TRIO: variants seen among roughly 807,000 people sequenced by gnomAD.
TRIO encodes trio Rho guanine nucleotide exchange factor.
In TRIO, 58 loss-of-function variants were observed where a neutral mutation model predicts 351.9. The observed-to-expected ratio is 0.16, with a 90% CI of 0.13 to 0.21. The LOEUF (loss-of-function observed/expected upper bound fraction) is 0.21. TRIO is among the 10% of genes least tolerant of loss of function. The pLI, the probability that TRIO is intolerant of heterozygous loss-of-function variation, is 1.00. For missense variants in TRIO, 3,201 were observed against 4,027.8 expected, an observed-to-expected ratio of 0.79 and a Z score of 5.56; for synonymous variants, 1,758 against 1,595.7, an observed-to-expected ratio of 1.10 and a Z score of -2.42.
intron 1 of TRIO, among the ~76,000 whole-genome samples, chr5:14,260,576 C>G (rs1295776265): frequency 1.3e-5 from 2 of 152,164 alleles, no homozygotes; most frequent in South Asian, 4.1e-4. Context: ...TATTTTTGTA[C>G]TGAGTTTCAT....
chr5:14,478,400 A>T (rs1755252387), intron 41 of TRIO, among the ~76,000 whole-genome samples: 1 of 152,230 alleles, frequency 6.6e-6, no homozygotes, highest in Non-Finnish European at 1.5e-5. Flanking sequence ...CACAACAAAA[A>T]GGACAACTGA....
At chr5:14,345,223 A>C (rs951944657) in intron 11 of TRIO, among the ~76,000 whole-genome samples, 9 of 152,214 alleles carry the variant, frequency 5.9e-5, no homozygotes, top group African/African-American at 2.2e-4. Flanking sequence ...AGAGCTTAGA[A>C]GTTATTGTGG....
At chr5:14,505,081 G>T (rs908645382) in intron 55 of TRIO, among the ~76,000 whole-genome samples, 1 of 152,260 alleles carries the variant, frequency 6.6e-6, no homozygotes, top group African/African-American at 2.4e-5. Context: ...CGAAGAGGGG[G>T]CGCGGGCACA....
At chr5:14,408,488 A>G (rs1018698505) in intron 33 of TRIO, among the ~76,000 whole-genome samples, 2 of 152,192 alleles carry the variant, frequency 1.3e-5, no homozygotes, top group Non-Finnish European at 2.9e-5. Flanking sequence ...CATGTAGTAA[A>G]AAGAAATAAG....
chr5:14,466,761 G>A (rs1041011203), intron 37 of TRIO, among the ~76,000 whole-genome samples: 2 of 152,206 alleles, frequency 1.3e-5, no homozygotes, highest in South Asian at 2.1e-4. Flanking sequence ...ACATATATAT[G>A]TGTGTGCGTT....
intron 11 of TRIO, among the ~76,000 whole-genome samples, chr5:14,340,259 T>C (rs556283643): frequency 2.0e-5 from 3 of 151,806 alleles, no homozygotes; most frequent in Non-Finnish European, 4.4e-5. Flanking sequence ...TAGCCAGGCG[T>C]GGTGGCGGGC....
rs138396234 is a variant in TRIO, at chr5:14,228,918, G to C, written c.158-41907G>C. Among the ~76,000 whole-genome samples, 929 of 152,160 alleles carry C rather than the reference G, an allele frequency of 6.1e-3. 18 individuals are homozygous for C. The highest frequency in any genetic ancestry group is 0.022 in the African/African-American group (900 of 41,536). Reference sequence around the variant, plus strand: ...AATATACCAAATTATAATTCATAGAGTCAAGCCATCCTGATCTCAGGCTGT... The same window carrying C: ...AATATACCAAATTATAATTCATAGACTCAAGCCATCCTGATCTCAGGCTGT... On this transcript the variant is annotated intron_variant, in intron 1 of 56. Transcript: ENST00000344204.
intron 1 of TRIO, among the ~76,000 whole-genome samples, chr5:14,234,898 G>A (rs1215444281): frequency 6.6e-6 from 1 of 152,056 alleles, no homozygotes; most frequent in Admixed American, 6.5e-5. Flanking sequence ...TCTTTAGTCC[G>A]GAATGTTAAG....
intron 36 of TRIO, 94 bp downstream of exon 36, chr5:14,463,019 A>G (rs1753950073): frequency 2.1e-6 from 3 of 1,415,902 alleles, no homozygotes; most frequent in East Asian, 2.7e-5. Context: ...TTCAGGAGAC[A>G]GGAGGCCCCA....
At chr5:14,377,392 C>T (rs1291656096) in intron 19 of TRIO, among the ~76,000 whole-genome samples, 1 of 151,894 alleles carries the variant, frequency 6.6e-6, no homozygotes, top group Non-Finnish European at 1.5e-5. Flanking sequence ...ACTACAGGCA[C>T]CTGCCACCAT....
intron 1 of TRIO, among the ~76,000 whole-genome samples, chr5:14,201,724 T>G: frequency 6.6e-6 from 1 of 152,206 alleles, no homozygotes; most frequent in East Asian, 1.9e-4. Context: ...AATAAATTGT[T>G]CATCTTTTTA....
In TRIO at chr5:14,325,081, C is replaced by T. The variant is rs576072515; in HGVS notation, c.1732-5697C>T. On this transcript the variant is annotated intron_variant, in intron 9 of 56. Coordinates refer to ENST00000344204, the MANE Select transcript of TRIO (RefSeq NM_007118.4). ...ATAAATAGAGCTGATGGCAATGATG[C>T]GATGCATGACCATGATAGAAAACCA... Among the ~76,000 whole-genome samples the T allele has an allele frequency of 3.9e-5, 6 of 152,298 alleles. No homozygotes were observed. The South Asian group carries it at 6.2e-4, about 16-fold the overall frequency.
At chr5:14,211,973 A>C (rs1447161145) in intron 1 of TRIO, among the ~76,000 whole-genome samples, 1 of 144,304 alleles carries the variant, frequency 6.9e-6, no homozygotes, top group Non-Finnish European at 1.5e-5. Context: ...CCAAAAAAAC[A>C]AAAACAAACA....
At chr5:14,342,372 T>G (rs912655648) in intron 11 of TRIO, among the ~76,000 whole-genome samples, 1 of 152,210 alleles carries the variant, frequency 6.6e-6, no homozygotes, top group African/African-American at 2.4e-5. Flanking sequence ...ATCTGGTGTT[T>G]AAACTAAACA....
chr5:14,478,526 A>T (rs1338075228), intron 41 of TRIO, among the ~76,000 whole-genome samples: 3 of 152,032 alleles, frequency 2.0e-5, no homozygotes, highest in African/African-American at 7.3e-5. Context: ...GGAAAGGCTC[A>T]TTGTCTACAT....
chr5:14,201,431 T>C (rs1404525544), intron 1 of TRIO, among the ~76,000 whole-genome samples: 1 of 152,206 alleles, frequency 6.6e-6, no homozygotes, highest in African/African-American at 2.4e-5. Context: ...TAAGTAGGAA[T>C]TCCAACACTA....
chr5:14,357,727 G>A (rs1238550226), intron 11 of TRIO, among the ~76,000 whole-genome samples: 3 of 152,112 alleles, frequency 2.0e-5, no homozygotes, highest in African/African-American at 7.2e-5. Flanking sequence ...GTGTGCTTCC[G>A]GGGGAAATCG....
chr5:14,349,164 C>T (rs993152095), intron 11 of TRIO, among the ~76,000 whole-genome samples: 3 of 149,702 alleles, frequency 2.0e-5, no homozygotes, highest in Admixed American at 6.6e-5. Context: ...TGTGTATGCA[C>T]GTGAGCATGT....
At chr5:14,420,443 C>T (rs957416574) in intron 34 of TRIO, 2 of 162,326 alleles carry the variant, frequency 1.2e-5, no homozygotes, top group African/African-American at 4.8e-5. Flanking sequence ...GAGTAGTTCT[C>T]CTGATTAATT....
Sources: gnomAD v4.1 joint callset for allele counts (sites outside exome capture counted in the v4.1 genomes callset) on GRCh38, gnomAD v4.1.1 for gene constraint, MANE v1.5 for transcripts, NCBI Gene and HGNC (gene_info 2026-07-23, HGNC 2026-07-21) for gene names.